The following MALRD1 variants were observed in gnomAD, a reference collection of about 807,000 sequenced individuals.
The protein encoded by MALRD1 is MAM and LDL receptor class A domain containing 1.
In MALRD1, 247 loss-of-function variants were observed where a neutral mutation model predicts 242.1. The ratio of observed to expected loss-of-function variants is 1.02; its 90% CI spans 0.92 to 1.13. MALRD1 has a LOEUF of 1.13. Among genes scored for constraint, MALRD1 ranks in the 50% most tolerant of loss-of-function variants. The probability of loss-of-function intolerance (pLI) is 0.00; values close to 1 mark genes in which losing one functional copy is unlikely to be tolerated. For missense variants in MALRD1, 2,989 were observed against 2,533.1 expected (o/e 1.18, Z -3.86); for synonymous variants, 995 against 866.6 (o/e 1.15, Z -2.60).
intron 2 of MALRD1, among the ~76,000 whole-genome samples, chr10:19,078,921 T>C (rs1423876330): frequency 6.6e-6 from 1 of 151,712 alleles, no homozygotes; most frequent in East Asian, 1.9e-4. Flanking sequence ...TCTTGGTTCA[T>C]CTAGTGAAAA....
chr10:19,126,214 A>G lies in MALRD1; in HGVS notation c.943+1544A>G, dbSNP rs143439663. 7.5e-3 allele frequency among the ~76,000 whole-genome samples: 1,148 copies of G among 152,224 alleles called. 17 individuals are homozygous for G. Among genetic ancestry groups the G allele is most frequent in the African/African-American group, 0.027 (1,102 of 41,542 alleles). On this transcript the variant is annotated intron_variant, in intron 7 of 39. Coordinates refer to ENST00000454679, the MANE Select transcript of MALRD1 (RefSeq NM_001142308.3). ...GTTATTTGAAAATTTCAGTATGATGAGTGCAGGAATGAGTATACGTTTAAT... is the reference window on the plus strand; with the variant it reads ...GTTATTTGAAAATTTCAGTATGATGGGTGCAGGAATGAGTATACGTTTAAT...
At chr10:19,149,077 CATCTATCTATCTATCT>C (rs10657245) in intron 11 of MALRD1, among the ~76,000 whole-genome samples, 14 of 143,920 alleles carry the variant, frequency 9.7e-5, no homozygotes, top group Admixed American at 4.2e-4. Flanking sequence ...TCTATCTGTC[CATCTATCTATCTATCT>C]ATCTATCTAT....
intron 38 of MALRD1, among the ~76,000 whole-genome samples, chr10:19,729,509 G>T (rs1216630955): frequency 6.6e-6 from 1 of 151,412 alleles, no homozygotes; most frequent in Non-Finnish European, 1.5e-5. Flanking sequence ...TCTCCATTGT[G>T]TGTGTGTGTG....
intron 14 of MALRD1, among the ~76,000 whole-genome samples, chr10:19,203,072 C>T (rs1242039150): frequency 1.3e-5 from 2 of 152,140 alleles, no homozygotes; most frequent in Non-Finnish European, 2.9e-5. Flanking sequence ...TGTATTATTA[C>T]ATTACTAACA....
intron 34 of MALRD1, among the ~76,000 whole-genome samples, chr10:19,602,144 T>C (rs978878751): frequency 2.1e-5 from 3 of 139,906 alleles, no homozygotes; most frequent in African/African-American, 5.4e-5. Context: ...AGTCTATCAG[T>C]GCCAATTTTC....
At chr10:19,506,998 A>G (rs2131274905) in intron 31 of MALRD1, among the ~76,000 whole-genome samples, 1 of 152,184 alleles carries the variant, frequency 6.6e-6, no homozygotes, top group African/African-American at 2.4e-5. Flanking sequence ...AGGCCTCAGG[A>G]AGCTTGCTAT....
At chr10:19,259,115 C>G (rs1839641341) in intron 19 of MALRD1, among the ~76,000 whole-genome samples, 2 of 152,120 alleles carry the variant, frequency 1.3e-5, no homozygotes, top group African/African-American at 4.8e-5. Flanking sequence ...TCTTTTCAAA[C>G]TTAGATAAGG....
In MALRD1 at chr10:19,389,502, G is replaced by T; in HGVS notation, c.4738G>T (p.Ala1580Ser). Reference sequence around the variant, plus strand: ...TGCAGTGGGCCTTCGGGGTGACAAAGCACACTTCAGGAGTACCATGTGGCG... The same window carrying T: ...TGCAGTGGGCCTTCGGGGTGACAAATCACACTTCAGGAGTACCATGTGGCG... ...ATAVGLRGDK[A>S]HFRSTMWRES... The change falls in exon 28 of 40, where the codon GCA becomes TCA. Residue 1580 changes from alanine to serine, a missense_variant. Ala to Ser is a moderately conservative substitution (Grantham distance 99). Transcript: ENST00000454679. 1 of 1,550,586 alleles carries T rather than the reference G, an allele frequency of 6.4e-7. No homozygotes were observed. Among genetic ancestry groups the T allele is most frequent in the Non-Finnish European group, 8.7e-7 (1 of 1,146,932 alleles).
At chr10:19,531,053 A>C in intron 31 of MALRD1, 141 bp from the exon 32 acceptor site, 1 of 660,034 alleles carries the variant, frequency 1.5e-6, no homozygotes, top group Non-Finnish European at 2.4e-6. Flanking sequence ...TTATTGATAT[A>C]TGACTCCCAA....
At chr10:19,065,816 A>G (rs1834962300) in intron 1 of MALRD1, among the ~76,000 whole-genome samples, 1 of 152,122 alleles carries the variant, frequency 6.6e-6, no homozygotes, top group Non-Finnish European at 1.5e-5. Flanking sequence ...TTCCTCAAAC[A>G]CAGATTCAAT....
chr10:19,265,924 T>G (rs990098502), intron 19 of MALRD1, among the ~76,000 whole-genome samples: 2 of 151,994 alleles, frequency 1.3e-5, no homozygotes, highest in Admixed American at 6.5e-5. Context: ...ATATTTATAA[T>G]TATTATATTC....
intron 28 of MALRD1, among the ~76,000 whole-genome samples, chr10:19,398,621 T>A (rs1846691888): frequency 6.6e-6 from 1 of 152,112 alleles, no homozygotes; most frequent in Non-Finnish European, 1.5e-5. Context: ...TTTGTGAAAA[T>A]AAAGATGTAT....
intron 29 of MALRD1, among the ~76,000 whole-genome samples, chr10:19,470,157 T>A (rs1443883680): frequency 6.6e-6 from 1 of 152,002 alleles, no homozygotes; most frequent in African/African-American, 2.4e-5. Context: ...CTTCTGTGAA[T>A]CTAAAAGAAG....
intron 29 of MALRD1, among the ~76,000 whole-genome samples, chr10:19,460,153 C>G (rs1278576511): frequency 6.6e-6 from 1 of 152,070 alleles, no homozygotes; most frequent in Non-Finnish European, 1.5e-5. Context: ...ATCAAGAAGG[C>G]TCCTACTTTA....
intron 26 of MALRD1, among the ~76,000 whole-genome samples, 154 bp from the exon 27 acceptor site, chr10:19,387,374 G>C (rs377228154): frequency 6.6e-6 from 1 of 151,608 alleles, no homozygotes; most frequent in Non-Finnish European, 1.5e-5. Context: ...CTGGAGCAGA[G>C]TGGGAGAGAG....
rs146662498 is a variant in MALRD1, at chr10:19,556,190, T to A, written c.5479-11312T>A. Among the ~76,000 whole-genome samples the A allele has an allele frequency of 3.7e-3, 562 of 152,272 alleles. 4 individuals carry two copies. The highest frequency in any genetic ancestry group is 0.013 in the African/African-American group (529 of 41,552). On this transcript the variant is annotated intron_variant, in intron 32 of 39. Transcript: ENST00000454679. ...AACAAACAGTTTTCGTATAATATAA[T>A]CCCTCTCAACTTACCCTTGTCCTAC...
At chr10:19,677,505 A>T (rs1354022277) in intron 36 of MALRD1, among the ~76,000 whole-genome samples, 1 of 152,066 alleles carries the variant, frequency 6.6e-6, no homozygotes, top group Non-Finnish European at 1.5e-5. Flanking sequence ...CCACTTTTTA[A>T]TGGGGTTGTT....
chr10:19,639,116 G>A (rs1236589204), intron 36 of MALRD1, among the ~76,000 whole-genome samples: 1 of 151,974 alleles, frequency 6.6e-6, no homozygotes, highest in Non-Finnish European at 1.5e-5. Flanking sequence ...AAACACATAT[G>A]GGTTTAAAAA....
chr10:19,609,212 C>T (rs973337137), intron 35 of MALRD1, among the ~76,000 whole-genome samples: 22 of 152,056 alleles, frequency 1.4e-4, no homozygotes, highest in African/African-American at 5.1e-4. Context: ...CTCTTTTCAT[C>T]ACTCACCAGT....
Sources: allele counts gnomAD v4.1 joint callset (sites outside exome capture counted in the v4.1 genomes callset), GRCh38; gene constraint gnomAD v4.1.1; transcripts MANE v1.5; gene names NCBI Gene and HGNC (gene_info 2026-07-23, HGNC 2026-07-21).